Variants in TENM3 observed in about 807,000 individuals in gnomAD.
TENM3 encodes the protein teneurin transmembrane protein 3.
In TENM3, 63 loss-of-function variants were observed where a neutral mutation model predicts 255.1. The observed-to-expected ratio is 0.25, with a 90% CI of 0.20 to 0.30. The LOEUF is 0.30. Among genes scored for constraint, TENM3 ranks in the 10% least tolerant of loss-of-function variants. The pLI, the probability that TENM3 is intolerant of heterozygous loss-of-function variation, is 1.00. For synonymous variants in TENM3, 1,306 were observed against 1,322.3 expected, an observed-to-expected ratio of 0.99 and a Z score of 0.27; for missense variants, 2,929 against 3,461.1, an observed-to-expected ratio of 0.85 and a Z score of 3.86.
chr4:181,649,355 A>G, the TENM3 span, among the ~76,000 whole-genome samples: 1 of 152,184 alleles, frequency 6.6e-6, no homozygotes, highest in African/African-American at 2.4e-5. Context: ...TATAAATGGG[A>G]TCAGGTGGGA....
At chr4:181,915,894 A>G in the TENM3 span, among the ~76,000 whole-genome samples, 1 of 152,332 alleles carries the variant, frequency 6.6e-6, no homozygotes, top group South Asian at 2.1e-4. Flanking sequence ...CCCAGCAGGC[A>G]TTAGGGAGCC....
chr4:182,330,186 A>G (rs1763658803), intron 2 of TENM3, among the ~76,000 whole-genome samples: 1 of 152,218 alleles, frequency 6.6e-6, no homozygotes, highest in African/African-American at 2.4e-5. Flanking sequence ...AGACAGATTA[A>G]CAAGAGAAAT....
the TENM3 span, among the ~76,000 whole-genome samples, chr4:181,653,373 C>G: frequency 1.3e-5 from 2 of 152,004 alleles, no homozygotes; most frequent in South Asian, 4.2e-4. Context: ...TGAGAAGTCA[C>G]TGGTCCAATC....
the TENM3 span, among the ~76,000 whole-genome samples, chr4:182,067,044 G>A: frequency 6.6e-6 from 1 of 152,068 alleles, no homozygotes; most frequent in African/African-American, 2.4e-5. Flanking sequence ...TCTGTTCTGG[G>A]AGCCTCCTTA....
At chr4:181,462,788 G>A in the TENM3 span, among the ~76,000 whole-genome samples, 1 of 152,198 alleles carries the variant, frequency 6.6e-6, no homozygotes, top group Non-Finnish European at 1.5e-5. Flanking sequence ...CCATCTGTAG[G>A]GATTCCATCA....
At chr4:182,278,068 A>G (rs962029844) in intron 1 of TENM3, among the ~76,000 whole-genome samples, 4 of 152,190 alleles carry the variant, frequency 2.6e-5, no homozygotes, top group Admixed American at 2.6e-4. Context: ...TTAACTGCCA[A>G]TAACAAACGT....
At chr4:182,682,495 T>G (rs895351435) in intron 11 of TENM3, among the ~76,000 whole-genome samples, 39 of 152,334 alleles carry the variant, frequency 2.6e-4, no homozygotes, top group African/African-American at 8.7e-4. Flanking sequence ...ATAACATGGT[T>G]ATAATAGAAA....
chr4:182,625,470 C>G (rs984556337), intron 4 of TENM3, among the ~76,000 whole-genome samples: 1 of 152,112 alleles, frequency 6.6e-6, no homozygotes, highest in East Asian at 1.9e-4. Context: ...AGTTTCACCC[C>G]GAAACCATCC....
chr4:182,312,208 G>T (rs1762485958), intron 1 of TENM3, among the ~76,000 whole-genome samples: 1 of 152,104 alleles, frequency 6.6e-6, no homozygotes, highest in East Asian at 1.9e-4. Context: ...ATAAATTGAG[G>T]TTATTGGCTT....
chr4:182,169,578 A>C (rs182405406), intron 1 of TENM3, among the ~76,000 whole-genome samples: 1 of 152,270 alleles, frequency 6.6e-6, no homozygotes, highest in African/African-American at 2.4e-5. Context: ...TGCCCAAGTC[A>C]AACAGAATTT....
the TENM3 span, among the ~76,000 whole-genome samples, chr4:182,055,026 G>C: frequency 6.6e-6 from 1 of 152,084 alleles, no homozygotes; most frequent in Non-Finnish European, 1.5e-5. Context: ...GCTCCCAGTT[G>C]GAAGTAACAT....
At chr4:181,662,886 A>G in the TENM3 span, among the ~76,000 whole-genome samples, 2 of 152,134 alleles carry the variant, frequency 1.3e-5, no homozygotes, top group African/African-American at 4.8e-5. Context: ...AAGTGTTTCA[A>G]CAGCTGCCAA....
At chr4:181,558,103 G>T in the TENM3 span, among the ~76,000 whole-genome samples, 1 of 152,276 alleles carries the variant, frequency 6.6e-6, no homozygotes, top group Admixed American at 6.5e-5. Flanking sequence ...TTTGATTTTT[G>T]ATGCCTGAGT....
intron 3 of TENM3, among the ~76,000 whole-genome samples, chr4:182,396,235 C>A (rs191839240): frequency 6.6e-6 from 1 of 152,252 alleles, no homozygotes; most frequent in East Asian, 1.9e-4. Flanking sequence ...TCCAGGCTGC[C>A]CCTGTCTTTC....
the TENM3 span, among the ~76,000 whole-genome samples, chr4:181,761,984 T>G: frequency 1.3e-5 from 2 of 152,234 alleles, no homozygotes; most frequent in African/African-American, 4.8e-5. Context: ...CAAATTGTAG[T>G]GGCCACTTTG....
the TENM3 span, among the ~76,000 whole-genome samples, chr4:181,944,430 C>A: frequency 6.6e-6 from 1 of 150,898 alleles, no homozygotes; most frequent in East Asian, 2.0e-4. Context: ...CCCACACTGG[C>A]GAAGGGGGAT....
intron 1 of TENM3, among the ~76,000 whole-genome samples, chr4:182,231,670 C>T (rs1289913929): frequency 6.6e-6 from 1 of 152,188 alleles, no homozygotes; most frequent in African/African-American, 2.4e-5. Context: ...GGAGTGCCTC[C>T]TCTCCTAGAA....
At chr4:182,585,300 G>A (rs1460462924) in intron 3 of TENM3, among the ~76,000 whole-genome samples, 1 of 152,082 alleles carries the variant, frequency 6.6e-6, no homozygotes, top group Non-Finnish European at 1.5e-5. Context: ...AGCTTAAACT[G>A]TCCCATTTGG....
At chr4:181,992,118 A>G in the TENM3 span, among the ~76,000 whole-genome samples, 1 of 152,150 alleles carries the variant, frequency 6.6e-6, no homozygotes, top group Middle Eastern at 3.2e-3. Flanking sequence ...GGCATATTTT[A>G]CCTGACATTT....
Sources: gnomAD v4.1 joint callset for allele counts (sites outside exome capture counted in the v4.1 genomes callset) on GRCh38, gnomAD v4.1.1 for gene constraint, MANE v1.5 for transcripts, NCBI Gene and HGNC (gene_info 2026-07-23, HGNC 2026-07-21) for gene names.